SCARA3: variants seen among roughly 807,000 people sequenced by gnomAD.
SCARA3 encodes scavenger receptor class A member 3, also known as cellular stress response gene protein.
In SCARA3, 39 loss-of-function variants were observed where a neutral mutation model predicts 47.0. The observed-to-expected ratio is 0.83, with a 90% CI of 0.64 to 1.08. The LOEUF (loss-of-function observed/expected upper bound fraction) is 1.08, where lower values mean the gene tolerates loss of function less well. Among genes scored for constraint, SCARA3 ranks in the 50% least tolerant of loss-of-function variants. SCARA3 has a pLI of 0.00. For missense variants in SCARA3, 724 were observed against 792.3 expected (o/e 0.91, Z 1.04); for synonymous variants, 356 against 334.1 (o/e 1.07, Z -0.71).
At chr8:27,651,952 G>A (rs549785688) in intron 3 of SCARA3, among the ~76,000 whole-genome samples, 59 of 152,114 alleles carry the variant, frequency 3.9e-4, no homozygotes, top group Non-Finnish European at 7.6e-4. Context: ...CGATGTCTAG[G>A]CCCCACCCCG....
downstream of SCARA3, among the ~76,000 whole-genome samples, chr8:27,673,178 G>T (rs898827124): frequency 2.6e-5 from 4 of 152,248 alleles, no homozygotes; most frequent in African/African-American, 9.6e-5. Context: ...ACTGAGTTCG[G>T]CCAGGGACCA....
chr8:27,687,681 T>C, the SCARA3 span, among the ~76,000 whole-genome samples: 1 of 151,960 alleles, frequency 6.6e-6, no homozygotes, highest in Admixed American at 6.6e-5. Context: ...ACTAACTCTC[T>C]GGTGTCTGGC....
chr8:27,687,220 C>T, the SCARA3 span, among the ~76,000 whole-genome samples: 1 of 152,122 alleles, frequency 6.6e-6, no homozygotes, highest in Admixed American at 6.5e-5. Context: ...CTCTGGGTTG[C>T]TAATTTAGAA....
At chr8:27,711,943 G>A in the SCARA3 span, among the ~76,000 whole-genome samples, 2 of 152,098 alleles carry the variant, frequency 1.3e-5, no homozygotes, top group Non-Finnish European at 2.9e-5. Context: ...TTTACATTAG[G>A]GTTCACTCTT....
chr8:27,718,761 G>A, the SCARA3 span, among the ~76,000 whole-genome samples: 1 of 152,178 alleles, frequency 6.6e-6, no homozygotes, highest in African/African-American at 2.4e-5. Context: ...ATACCCAGAT[G>A]ACTGCATAAA....
the SCARA3 span, among the ~76,000 whole-genome samples, chr8:27,691,584 G>T: frequency 6.6e-6 from 1 of 152,122 alleles, no homozygotes; most frequent in Admixed American, 6.5e-5. Flanking sequence ...TCCGTCTGCT[G>T]CATTAATCCT....
chr8:27,674,838 C>T (rs192069785), downstream of SCARA3, among the ~76,000 whole-genome samples: 6 of 149,344 alleles, frequency 4.0e-5, no homozygotes, highest in African/African-American at 1.5e-4. Flanking sequence ...AAGTGATTCT[C>T]CTGCCTCAGC....
At chr8:27,648,647 T>G (rs547894357) in intron 1 of SCARA3, among the ~76,000 whole-genome samples, 1 of 152,134 alleles carries the variant, frequency 6.6e-6, no homozygotes, top group Non-Finnish European at 1.5e-5. Flanking sequence ...AAGCTTCTAC[T>G]TCTAGCATTA....
At chr8:27,701,086 A>G in the SCARA3 span, 1 of 129,524 alleles carries the variant, frequency 7.7e-6, no homozygotes, top group East Asian at 2.4e-4. Flanking sequence ...CATACTCACC[A>G]GTAAAAAAAA....
At chr8:27,719,113 G>T in the SCARA3 span, among the ~76,000 whole-genome samples, 1 of 152,118 alleles carries the variant, frequency 6.6e-6, no homozygotes, top group Non-Finnish European at 1.5e-5. Context: ...AGCAAGCTTG[G>T]TCCTATTCAC....
intron 3 of SCARA3, among the ~76,000 whole-genome samples, chr8:27,653,570 C>CGTGTGTGTGTGTGTGTGTGTGTGTGT (rs61545866): frequency 1.4e-5 from 2 of 145,102 alleles, no homozygotes; most frequent in Admixed American, 7.0e-5. Context: ...ATTTGTAAAG[C>CGTGTGTGTGTGTGTGTGTGTGTGTGT]GTGTGTGTGT....
chr8:27,683,118 T>C, the SCARA3 span, among the ~76,000 whole-genome samples: 935 of 152,194 alleles, frequency 6.1e-3, 12 homozygotes, highest in African/African-American at 0.021. Context: ...TAAGTAACAT[T>C]AGACACAAAA....
At chr8:27,637,400 G>A (rs965986783) in intron 1 of SCARA3, among the ~76,000 whole-genome samples, 4 of 152,308 alleles carry the variant, frequency 2.6e-5, no homozygotes, top group Non-Finnish European at 4.4e-5. Flanking sequence ...CACACTTCCA[G>A]TAAGAGTGAC....
chr8:27,726,000 G>A, the SCARA3 span, among the ~76,000 whole-genome samples: 27 of 152,208 alleles, frequency 1.8e-4, no homozygotes, highest in South Asian at 6.2e-4. Flanking sequence ...ATGAGCTCCC[G>A]TCTCTGGATG....
chr8:27,663,144 C>G (rs578028733), intron 5 of SCARA3, among the ~76,000 whole-genome samples: 3 of 152,250 alleles, frequency 2.0e-5, no homozygotes, highest in Non-Finnish European at 4.4e-5. Flanking sequence ...ACCATTTCTC[C>G]TTCCAAGCAA....
the SCARA3 span, among the ~76,000 whole-genome samples, chr8:27,723,983 G>A: frequency 5.9e-5 from 9 of 152,112 alleles, no homozygotes; most frequent in Non-Finnish European, 1.2e-4. Flanking sequence ...TGATCCACCC[G>A]CCTCAGCCTC....
chr8:27,634,100 G>A lies in SCARA3; in HGVS notation c.-101G>A, dbSNP rs1234049253. On this transcript the variant is annotated 5_prime_UTR_variant, in exon 1 of 6. The change abolishes the stop of an existing upstream ORF in the 5' untranslated region. Transcript: ENST00000301904. ...GCCCCACGGCCGCGGGCGGCGCCTA[G>A]GACGGCGATCCGCGCCCTGGAGGAT... The A allele has an allele frequency of 1.6e-5, 19 of 1,183,206 alleles. No homozygotes were observed. Among genetic ancestry groups the A allele is most frequent in the Non-Finnish European group, 1.9e-5 (17 of 906,970 alleles). 73.3% of individuals were successfully genotyped at this position (1,183,206 alleles called of 1,614,324 possible).
the SCARA3 span, among the ~76,000 whole-genome samples, chr8:27,718,973 T>C: frequency 6.6e-6 from 1 of 152,214 alleles, no homozygotes; most frequent in African/African-American, 2.4e-5. Flanking sequence ...ATAGAGGATA[T>C]GTCTAGAATC....
chr8:27,676,661 A>G (rs76548566), downstream of SCARA3: 1,697 of 1,010,828 alleles, frequency 1.7e-3, 15 homozygotes, highest in African/African-American at 0.024. Flanking sequence ...GAATTTGTTT[A>G]CTATCCTTAA....
Sources: gnomAD v4.1 joint callset for allele counts (sites outside exome capture counted in the v4.1 genomes callset) on GRCh38, gnomAD v4.1.1 for gene constraint, MANE v1.5 for transcripts, NCBI Gene and HGNC (gene_info 2026-07-23, HGNC 2026-07-21) for gene names.